PUDP: variants seen among roughly 807,000 people sequenced by gnomAD.
PUDP encodes the protein pseudouridine 5'-phosphatase.
A neutral mutation model predicts 9.4 loss-of-function variants in PUDP; 8 were observed. That is an observed-to-expected ratio of 0.85 (90% confidence interval 0.50 to 1.53). PUDP has a LOEUF of 1.53. Among genes scored for constraint, PUDP ranks in the 40% most tolerant of loss-of-function variants. The probability of loss-of-function intolerance (pLI) is 0.00; values close to 1 mark genes in which losing one functional copy is unlikely to be tolerated. For missense variants in PUDP, 188 were observed against 189.7 expected, an observed-to-expected ratio of 0.99 and a Z score of 0.05; for synonymous variants, 99 against 80.7, an observed-to-expected ratio of 1.23 and a Z score of -1.22.
At chrX:6,742,012 C>T (rs1047537454) in intron 3 of PUDP, among the ~76,000 whole-genome samples, 4 of 110,616 alleles carry the variant, frequency 3.6e-5, no homozygotes, top group African/African-American at 1.3e-4. Context: ...CATGGCACCA[C>T]GCCTGGCTAA....
At chrX:7,119,477 T>C (rs1354729037) in intron 1 of PUDP, among the ~76,000 whole-genome samples, 1 of 112,726 alleles carries the variant, frequency 8.9e-6, no homozygotes, top group East Asian at 2.8e-4. Flanking sequence ...GTCTCAGTAA[T>C]ATTGCCTCAA....
At chrX:6,770,079 C>T (rs761024502) in intron 3 of PUDP, among the ~76,000 whole-genome samples, 1 of 112,547 alleles carries the variant, frequency 8.9e-6, no homozygotes, top group East Asian at 2.8e-4. Context: ...CAGAGCCTTT[C>T]CCTCTACAAA....
At chrX:7,050,979 C>A (rs781640214) in intron 3 of PUDP, among the ~76,000 whole-genome samples, 1 of 111,883 alleles carries the variant, frequency 8.9e-6, no homozygotes, top group Non-Finnish European at 1.9e-5. Flanking sequence ...CAAATGAGCA[C>A]GAAAACGTAG....
At chrX:6,739,062 T>G (rs1924906451) in intron 3 of PUDP, among the ~76,000 whole-genome samples, 1 of 111,487 alleles carries the variant, frequency 9.0e-6, no homozygotes, top group South Asian at 3.8e-4. Flanking sequence ...TAGCAGTTTT[T>G]GAGAGTGATG....
intron 1 of PUDP, among the ~76,000 whole-genome samples, chrX:6,980,407 G>A (rs1024782806): frequency 2.7e-5 from 3 of 110,865 alleles, no homozygotes; most frequent in Non-Finnish European, 3.8e-5. Flanking sequence ...AAGGGGTCTT[G>A]CTCTGTTGCC....
chrX:7,090,882 G>A (rs1044316439), intron 2 of PUDP, among the ~76,000 whole-genome samples: 13 of 112,245 alleles, frequency 1.2e-4, no homozygotes, highest in African/African-American at 3.9e-4. Flanking sequence ...ATGTGACAAA[G>A]GTTACTACCA....
At chrX:6,714,037 G>A (rs1228190146) in intron 1 of PUDP, among the ~76,000 whole-genome samples, 1 of 110,275 alleles carries the variant, frequency 9.1e-6, no homozygotes, top group Admixed American at 9.8e-5. Flanking sequence ...GACTCCAGGC[G>A]CACACCACCA....
At chrX:6,735,815 C>G (rs5989560) in intron 3 of PUDP, among the ~76,000 whole-genome samples, 5,789 of 110,388 alleles carry the variant, frequency 0.052, 154 homozygotes, top group Non-Finnish European at 0.081. Flanking sequence ...GGGAGGATTG[C>G]TTGAGCTTAG....
chrX:6,772,709 T>A (rs1925386367), intron 3 of PUDP, among the ~76,000 whole-genome samples: 1 of 107,679 alleles, frequency 9.3e-6, no homozygotes, highest in African/African-American at 3.4e-5. Flanking sequence ...GGTGGGTAGA[T>A]CACTTGAGCC....
At chrX:7,036,998 C>T (rs911976348) in intron 1 of PUDP, among the ~76,000 whole-genome samples, 1 of 111,860 alleles carries the variant, frequency 8.9e-6, no homozygotes, top group Admixed American at 9.5e-5. Context: ...TACAATCTTT[C>T]CGGTTCTCAT....
chrX:6,891,917 A>G (rs1938104736), intron 3 of PUDP, among the ~76,000 whole-genome samples: 1 of 111,750 alleles, frequency 8.9e-6, no homozygotes, highest in African/African-American at 3.3e-5. Flanking sequence ...CAACTTCCTC[A>G]TCAGTTTGGA....
At chrX:6,754,771 G>A (rs979203640) in intron 3 of PUDP, among the ~76,000 whole-genome samples, 1 of 110,639 alleles carries the variant, frequency 9.0e-6, no homozygotes, top group African/African-American at 3.3e-5. Flanking sequence ...TCACTAAAAT[G>A]TACTTCTAAC....
intron 3 of PUDP, among the ~76,000 whole-genome samples, chrX:6,804,551 G>A (rs746922467): frequency 8.9e-5 from 10 of 111,937 alleles, no homozygotes; most frequent in Non-Finnish European, 1.3e-4. Context: ...AGATCCTCAA[G>A]GTCTTGATTC....
intron 2 of PUDP, among the ~76,000 whole-genome samples, chrX:7,083,174 G>C (rs920501124): frequency 3.6e-5 from 4 of 111,992 alleles, no homozygotes; most frequent in African/African-American, 1.3e-4. Flanking sequence ...TCTGTTATTA[G>C]AAGTTGCTGA....
intron 3 of PUDP, among the ~76,000 whole-genome samples, chrX:6,745,801 G>C (rs949238817): frequency 9.0e-6 from 1 of 111,480 alleles, no homozygotes; most frequent in African/African-American, 3.3e-5. Flanking sequence ...GTGCTGCCAT[G>C]CCTGGCTAAT....
chrX:6,961,571 C>G (rs1317584729), intron 3 of PUDP, among the ~76,000 whole-genome samples: 1 of 110,692 alleles, frequency 9.0e-6, no homozygotes, highest in East Asian at 2.8e-4. Context: ...CAAATATTAA[C>G]CAAAAAATTA....
chrX:7,083,529 G>C (rs1362952011), intron 2 of PUDP, among the ~76,000 whole-genome samples: 1 of 111,641 alleles, frequency 9.0e-6, no homozygotes, highest in Non-Finnish European at 1.9e-5. Context: ...ACGACACCAA[G>C]CTGTCTGGGA....
intron 3 of PUDP, among the ~76,000 whole-genome samples, chrX:6,883,896 A>G (rs1284041937): frequency 9.0e-6 from 1 of 111,435 alleles, no homozygotes; most frequent in Non-Finnish European, 1.9e-5. Flanking sequence ...TCTGGAGTGC[A>G]GCGGCACGAT....
At chrX:7,044,912 G>A (rs1929965318), downstream of PUDP, among the ~76,000 whole-genome samples, 1 of 112,536 alleles carries the variant, frequency 8.9e-6, no homozygotes, top group East Asian at 2.8e-4. Flanking sequence ...AGCAGCTCTT[G>A]GTTTTGCCTT....
Sources: allele counts gnomAD v4.1 joint callset (sites outside exome capture counted in the v4.1 genomes callset), GRCh38; gene constraint gnomAD v4.1.1; transcripts MANE v1.5; gene names NCBI Gene and HGNC (gene_info 2026-07-23, HGNC 2026-07-21).